The following SNRPN variants were observed in gnomAD, a reference collection of about 807,000 sequenced individuals.
SNRPN encodes small nuclear ribonucleoprotein-associated protein N.
SNRPN carries 7 observed loss-of-function variants against 25.2 expected under a neutral mutation model. The ratio of observed to expected loss-of-function variants is 0.28; its 90% CI spans 0.16 to 0.52. The LOEUF is 0.52. Ranked by LOEUF, SNRPN falls within the 20% of genes least tolerant of loss-of-function variation. The pLI, the probability that SNRPN is intolerant of heterozygous loss-of-function variation, is 0.96. For missense variants in SNRPN, 196 were observed against 322.5 expected (o/e 0.61, Z 3.00); for synonymous variants, 124 against 110.6 (o/e 1.12, Z -0.76).
At position 24,943,041 on chromosome 15, in the gene SNRPN, TG is replaced by T. The variant is rs771075992; in HGVS notation, c.-390-19069del. Among the ~76,000 whole-genome samples, 775 of 150,290 alleles carry T rather than the reference TG, an allele frequency of 5.2e-3. 5 individuals are homozygous for T. The highest frequency in any genetic ancestry group is 8.3e-3 in the African/African-American group (340 of 40,896). ...AAATGTCTTTACCTTTTTTTTTTTT[TG>T]GGGCTGATTTAGAGGGGTCTATCTA... On this transcript the variant is annotated intron_variant, in intron 3 of 11. Transcript: ENST00000400097.
chr15:24,890,308 A>G (rs2057567339), intron 2 of SNRPN, among the ~76,000 whole-genome samples: 1 of 152,086 alleles, frequency 6.6e-6, no homozygotes, highest in Non-Finnish European at 1.5e-5. Context: ...GGTCTTATGA[A>G]TTTCTCCCCA....
intron 1 of SNRPN, among the ~76,000 whole-genome samples, chr15:24,873,737 G>A (rs984329583): frequency 8.6e-5 from 13 of 151,966 alleles, no homozygotes; most frequent in African/African-American, 2.4e-4. Flanking sequence ...GTGAGCCACC[G>A]TGCCTGGCCA....
At position 24,888,258 on chromosome 15, in the gene SNRPN, G is replaced by A. The variant is rs1022218322; in HGVS notation, c.-505+1669G>A. Reference sequence around the variant, plus strand: ...CAAATAGCTGGGATTACAGGTGTCCGCCACCATGTCCAACTAATTTTTGTA... The same window carrying A: ...CAAATAGCTGGGATTACAGGTGTCCACCACCATGTCCAACTAATTTTTGTA... On this transcript the variant is annotated intron_variant, in intron 2 of 11. Transcript: ENST00000400097. 4.6e-5 allele frequency among the ~76,000 whole-genome samples: 7 copies of A among 151,904 alleles called. No homozygotes were observed. In the East Asian group the frequency reaches 7.8e-4, roughly 17 times the overall value.
intron 4 of SNRPN, 111 bp downstream of exon 4, chr15:24,974,567 T>A: frequency 1.0e-6 from 1 of 983,884 alleles, no homozygotes; most frequent in Non-Finnish European, 1.7e-6. Context: ...TAAGGATACA[T>A]CCATGGATAT....
Position 24,848,265 on chromosome 15 carries a change from G to A in SNRPN, c.-579+18360G>A, listed in dbSNP as rs1283354170. 2.9e-3 allele frequency: 429 copies of A among 145,636 alleles called. 6 individuals are homozygous for A. Among genetic ancestry groups the A allele is most frequent in the African/African-American group, 0.01 (408 of 39,550 alleles). 9.0% of individuals were successfully genotyped at this position (145,636 alleles called of 1,614,324 possible). A position where few individuals can be genotyped will look rare whatever the true frequency, so the allele number is the denominator to read the frequency against. On this transcript the variant is annotated intron_variant, in intron 2 of 12. Transcript: ENST00000400100. The stretch of plus-strand genomic sequence containing the variant: ...GGGCGGCGGCGGGGGCGGGGGCGGG[G>A]GCGGGGGCAGATCCTATTTGCGCCT...
chr15:24,963,527 A>G (rs2075166551), intron 2 of SNRPN, among the ~76,000 whole-genome samples: 1 of 151,454 alleles, frequency 6.6e-6, no homozygotes, highest in Admixed American at 6.6e-5. Flanking sequence ...AGGCAGGAGA[A>G]TTGTTTGAGC....
intron 3 of SNRPN, among the ~76,000 whole-genome samples, chr15:24,968,639 G>A (rs1179355150): frequency 6.6e-6 from 1 of 152,026 alleles, no homozygotes; most frequent in Non-Finnish European, 1.5e-5. Context: ...ATTCAAATAT[G>A]GTTTATGTCA....
At chr15:24,832,802 G>C (rs551327319) in intron 2 of SNRPN, among the ~76,000 whole-genome samples, 1 of 151,830 alleles carries the variant, frequency 6.6e-6, no homozygotes, top group Non-Finnish European at 1.5e-5. Flanking sequence ...GATGATGAAC[G>C]TAGAACTCAA....
chr15:24,960,345 G>T lies in SNRPN; in HGVS notation c.-390-1769G>T, dbSNP rs548436376. Among the ~76,000 whole-genome samples the T allele has an allele frequency of 4.3e-4, 65 of 152,140 alleles. No homozygotes were observed. In the South Asian group the frequency reaches 5.4e-3, roughly 13 times the overall value. On this transcript the variant is annotated intron_variant, in intron 1 of 9. Transcript: ENST00000390687. ...GTCAGATGGTGGCATTTCAGTGGGG[G>T]TTTTTTCATTTTGAGGCAGGGTCTG... is the stretch of plus-strand genomic sequence containing the variant.
rs557500102 is a variant in SNRPN at position 24,956,095 on chromosome 15, C to A, written c.-391+1033C>A. 2.0e-5 allele frequency among the ~76,000 whole-genome samples: 3 copies of A among 152,186 alleles called. No individual in the cohort carries two copies. In the South Asian group the frequency reaches 6.2e-4, roughly 32 times the overall value. Reference sequence around the variant, plus strand: ...AGAAATGCGTGGAATCCTTGCGTACCCTTTAGGAACCCTCGCTTTAGAGGC... The same window carrying A: ...AGAAATGCGTGGAATCCTTGCGTACACTTTAGGAACCCTCGCTTTAGAGGC... On this transcript the variant is annotated intron_variant, in intron 1 of 9. Transcript: ENST00000390687.
chr15:24,922,285 G>T (rs922634011), intron 3 of SNRPN, among the ~76,000 whole-genome samples: 1 of 152,140 alleles, frequency 6.6e-6, no homozygotes, highest in Non-Finnish European at 1.5e-5. Flanking sequence ...AAAGTGGCAG[G>T]GCTGGGGTAT....
intron 2 of SNRPN, among the ~76,000 whole-genome samples, chr15:24,890,869 A>T (rs1454684509): frequency 1.3e-5 from 2 of 152,164 alleles, no homozygotes; most frequent in Admixed American, 6.6e-5. Flanking sequence ...AGAAATAATC[A>T]CAACATGTGG....
chr15:24,927,896 CTG>C (rs1389126363), intron 3 of SNRPN, among the ~76,000 whole-genome samples: 1 of 152,154 alleles, frequency 6.6e-6, no homozygotes, highest in East Asian at 1.9e-4. Flanking sequence ...GTTCTTAAGA[CTG>C]GATTCTACTG....
In SNRPN at chr15:24,974,406, A is replaced by T; in HGVS notation, c.-48A>T. 1 of 1,601,274 alleles carries T rather than the reference A, an allele frequency of 6.2e-7. No individual in the cohort carries two copies. Among genetic ancestry groups the T allele is most frequent in the Non-Finnish European group, 8.6e-7 (1 of 1,168,422 alleles). ...CTATAGCCTTCCCCTAGGTCTTCAG[A>T]AGCATCAAGTTTTAACTGTGGACAT... is the stretch of plus-strand genomic sequence containing the variant. On this transcript the variant is annotated 5_prime_UTR_variant, in exon 4 of 10. Transcript: ENST00000390687.
chr15:24,964,814 T>G (rs574266204), intron 2 of SNRPN, among the ~76,000 whole-genome samples: 11 of 152,338 alleles, frequency 7.2e-5, no homozygotes, highest in Admixed American at 6.5e-4. Context: ...ACAGGTAGTC[T>G]CATCCTCATC....
chr15:24,939,780 G>A (rs530010217), intron 3 of SNRPN, among the ~76,000 whole-genome samples: 3 of 144,850 alleles, frequency 2.1e-5, no homozygotes, highest in Non-Finnish European at 4.5e-5. Context: ...GTTGATTATA[G>A]AATTCTTCTT....
At position 24,968,406 on chromosome 15, in the gene SNRPN, G is replaced by T. The variant is rs1596290436; in HGVS notation, c.-144+324G>T. Reference sequence around the variant, plus strand: ...TGTTTATAATTTCCTTTTGTGGGAGGTGTCATTTTTTTCTGCCAGTAGTTT... The same window carrying T: ...TGTTTATAATTTCCTTTTGTGGGAGTTGTCATTTTTTTCTGCCAGTAGTTT... On this transcript the variant is annotated intron_variant, in intron 3 of 9. Transcript: ENST00000390687. 2.2e-5 allele frequency: 4 copies of T among 183,184 alleles called. No individual in the cohort carries two copies. In the South Asian group the frequency reaches 3.1e-4, roughly 14 times the overall value. The allele number at this position is 183,184 out of a possible 1,614,324, so 11.3% of individuals were successfully genotyped here. A position where few individuals can be genotyped will look rare whatever the true frequency, so the allele number is the denominator to read the frequency against.
chr15:24,866,622 A>G (rs1302929275), intron 1 of SNRPN, among the ~76,000 whole-genome samples: 1 of 152,168 alleles, frequency 6.6e-6, no homozygotes, highest in Non-Finnish European at 1.5e-5. Context: ...ATATGGTACA[A>G]TAGATCTCTT....
At chr15:24,868,906 G>T (rs542744303) in intron 1 of SNRPN, among the ~76,000 whole-genome samples, 1 of 152,258 alleles carries the variant, frequency 6.6e-6, no homozygotes, top group South Asian at 2.1e-4. Context: ...GGAGGACGAG[G>T]TGGGAGGATC....
Sources: gnomAD v4.1 joint callset for allele counts (sites outside exome capture counted in the v4.1 genomes callset) on GRCh38, gnomAD v4.1.1 for gene constraint, MANE v1.5 for transcripts, NCBI Gene and HGNC (gene_info 2026-07-23, HGNC 2026-07-21) for gene names.